Variants in CRYBG3 observed in about 807,000 individuals in gnomAD.
CRYBG3 encodes very large A-kinase anchor protein.
Under a neutral mutation model 244.2 loss-of-function variants are expected in CRYBG3, and 127 were observed. The ratio of observed to expected loss-of-function variants is 0.52; its 90% CI spans 0.45 to 0.60. The LOEUF is 0.60. CRYBG3 is among the 20% of genes least tolerant of loss of function. The pLI is 0.00. For synonymous variants in CRYBG3, 1,132 were observed against 1,195.8 expected, an observed-to-expected ratio of 0.95 and a Z score of 1.10; for missense variants, 3,325 against 3,442.5, an observed-to-expected ratio of 0.97 and a Z score of 0.85.
At chr3:97,934,194 A>G (rs2040133596) in intron 18 of CRYBG3, among the ~76,000 whole-genome samples, 1 of 152,024 alleles carries the variant, frequency 6.6e-6, no homozygotes, top group African/African-American at 2.4e-5. Flanking sequence ...TGTGGACTAC[A>G]CTGGTTGGCC....
intron 2 of CRYBG3, among the ~76,000 whole-genome samples, chr3:97,843,827 C>T (rs1428560332): frequency 6.6e-6 from 1 of 152,086 alleles, no homozygotes; most frequent in East Asian, 1.9e-4. Context: ...ATCACTAAAC[C>T]TTTTGATCTC....
intron 15 of CRYBG3, among the ~76,000 whole-genome samples, chr3:97,901,336 T>G (rs1047636913): frequency 4.6e-5 from 7 of 152,226 alleles, no homozygotes; most frequent in African/African-American, 1.7e-4. Flanking sequence ...TTTAAATATT[T>G]GGCATTTGCT....
chr3:97,840,956 A>T (rs1393007615), intron 1 of CRYBG3, among the ~76,000 whole-genome samples: 2 of 151,836 alleles, frequency 1.3e-5, no homozygotes, highest in African/African-American at 2.4e-5. Context: ...CGTTTACTTT[A>T]AAAAAAACTG....
intron 6 of CRYBG3, 99 bp from the exon 7 acceptor site, chr3:97,880,973 C>A: frequency 1.1e-6 from 1 of 884,958 alleles, no homozygotes; most frequent in Non-Finnish European, 1.6e-6. Flanking sequence ...GAAGATATCC[C>A]AGCTTAAAAA....
intron 1 of CRYBG3, among the ~76,000 whole-genome samples, chr3:97,835,019 A>G (rs745506270): frequency 6.6e-6 from 1 of 152,168 alleles, no homozygotes; most frequent in Non-Finnish European, 1.5e-5. Flanking sequence ...ATATGTCTTC[A>G]TGTCTAAATA....
chr3:97,939,471 G>C (rs2040201688), intron 19 of CRYBG3, among the ~76,000 whole-genome samples: 1 of 152,036 alleles, frequency 6.6e-6, no homozygotes, highest in Non-Finnish European at 1.5e-5. Flanking sequence ...CCTCTTTGAG[G>C]CTGGGAATTA....
intron 1 of CRYBG3, among the ~76,000 whole-genome samples, chr3:97,826,986 GT>G (rs1160714189): frequency 3.3e-5 from 5 of 152,340 alleles, no homozygotes; most frequent in African/African-American, 1.2e-4. Flanking sequence ...TCCAAGCATG[GT>G]TTGGTTAGCT....
intron 15 of CRYBG3, among the ~76,000 whole-genome samples, chr3:97,902,484 T>C (rs1215097076): frequency 7.0e-6 from 1 of 143,550 alleles, no homozygotes; most frequent in Non-Finnish European, 1.6e-5. Flanking sequence ...TTTTTTGTCT[T>C]TATTTCTTCT....
chr3:97,892,334 G>A (rs749749036), intron 10 of CRYBG3, among the ~76,000 whole-genome samples: 3 of 152,062 alleles, frequency 2.0e-5, no homozygotes, highest in Non-Finnish European at 4.4e-5. Context: ...TTCAATTAGG[G>A]TGCAAACAAG....
chr3:97,922,379 A>G (rs2039993061), intron 17 of CRYBG3, among the ~76,000 whole-genome samples: 1 of 152,224 alleles, frequency 6.6e-6, no homozygotes, highest in South Asian at 2.1e-4. Context: ...AGCAAAAGAA[A>G]CTACCATCAG....
At chr3:97,913,041 C>A (rs776631286) in intron 16 of CRYBG3, among the ~76,000 whole-genome samples, 4 of 152,084 alleles carry the variant, frequency 2.6e-5, no homozygotes. Flanking sequence ...TCCCTTGAAT[C>A]ATTAGAGACC....
At chr3:97,913,303 T>A (rs1485225223) in intron 16 of CRYBG3, among the ~76,000 whole-genome samples, 2 of 152,162 alleles carry the variant, frequency 1.3e-5, no homozygotes, top group Non-Finnish European at 2.9e-5. Context: ...CATCCTATTC[T>A]CCTCTCTTCT....
At position 97,859,059 on chromosome 3, in the gene CRYBG3, G is replaced by A. The variant is rs952557015; in HGVS notation, c.217-5158G>A. Among the ~76,000 whole-genome samples, 3 of 151,972 alleles carry A rather than the reference G, an allele frequency of 2.0e-5. No individual in the cohort carries two copies. The East Asian group carries it at 5.8e-4, about 29-fold the overall frequency. ...AGTGTAGTCACAATATGTTTTTTTG[G>A]GCTGTCATCAACATCTGTGAGTGCT... On this transcript the variant is annotated intron_variant, in intron 2 of 21. Transcript: ENST00000389622.
In CRYBG3 at chr3:97,872,572, A is replaced by G; in HGVS notation, c.1378A>G (p.Lys460Glu). ...AAGTACAAATTTGCCAAGTCCAAAT[A>G]AATCAATTAGGCATGAACATCTGCA... Reference protein sequence around the residue: ...QESTNLPSPNKSIRHEHLQLP... With the variant: ...QESTNLPSPNESIRHEHLQLP... Residue 460 changes from lysine (K) to glutamate (E), a missense_variant, in exon 4 of 22, where the codon AAA (lysine) becomes GAA (glutamate). Physicochemically the swap from Lys to Glu is moderately conservative, Grantham distance 56. Transcript: ENST00000389622. 2 of 1,535,984 alleles carry G rather than the reference A, an allele frequency of 1.3e-6. No homozygotes were observed. Among genetic ancestry groups the G allele is most frequent in the Non-Finnish European group, 1.7e-6 (2 of 1,146,836 alleles).
intron 9 of CRYBG3, among the ~76,000 whole-genome samples, chr3:97,889,078 T>C (rs886499329): frequency 6.6e-6 from 1 of 152,220 alleles, no homozygotes; most frequent in Admixed American, 6.5e-5. Flanking sequence ...ACTCAAGGAC[T>C]AAAGCTCAGT....
rs2039115298 is a variant in CRYBG3 at position 97,859,496 on chromosome 3, TG to T, written c.217-4719del. ...GTAGGTACCATGAAAGCCAGGATTT[TG>T]GTACATTTTTCACTATTGCATCTAA... On this transcript the variant is annotated intron_variant, in intron 2 of 21. Coordinates refer to ENST00000389622, the MANE Select transcript of CRYBG3 (RefSeq NM_153605.4). 4.6e-5 allele frequency among the ~76,000 whole-genome samples: 7 copies of T among 152,374 alleles called. No individual in the cohort carries two copies. In the South Asian group the frequency reaches 1.4e-3, roughly 32 times the overall value.
At chr3:97,837,911 A>T (rs770839232) in intron 1 of CRYBG3, among the ~76,000 whole-genome samples, 3 of 152,106 alleles carry the variant, frequency 2.0e-5, no homozygotes, top group African/African-American at 7.2e-5. Flanking sequence ...AAAGAAAGGC[A>T]TAGGAGGAGG....
chr3:97,840,951 A>T (rs1002315224), intron 1 of CRYBG3, among the ~76,000 whole-genome samples: 9 of 152,010 alleles, frequency 5.9e-5, no homozygotes, highest in Non-Finnish European at 1.3e-4. Flanking sequence ...ATTCACGTTT[A>T]CTTTAAAAAA....
intron 1 of CRYBG3, among the ~76,000 whole-genome samples, chr3:97,833,361 C>T (rs1405088210): frequency 6.6e-6 from 1 of 152,176 alleles, no homozygotes; most frequent in Non-Finnish European, 1.5e-5. Context: ...GGCACATATA[C>T]ACCGTGGAAT....
Sources: allele counts gnomAD v4.1 joint callset (sites outside exome capture counted in the v4.1 genomes callset), GRCh38; gene constraint gnomAD v4.1.1; transcripts MANE v1.5; gene names NCBI Gene and HGNC (gene_info 2026-07-23, HGNC 2026-07-21).